RGS7: variants seen among roughly 807,000 people sequenced by gnomAD.
RGS7 encodes regulator of G protein signaling 7.
A neutral mutation model predicts 81.1 loss-of-function variants in RGS7; 27 were observed. The observed-to-expected ratio is 0.33, with a 90% CI of 0.25 to 0.46. RGS7 has a LOEUF of 0.46. Among genes scored for constraint, RGS7 ranks in the 20% least tolerant of loss-of-function variants. RGS7 has a pLI of 1.00. For missense variants in RGS7, 396 were observed against 607.4 expected, an observed-to-expected ratio of 0.65 and a Z score of 3.66; for synonymous variants, 208 against 207.7, an observed-to-expected ratio of 1.00 and a Z score of -0.01.
intron 2 of RGS7, among the ~76,000 whole-genome samples, chr1:241,134,044 T>G (rs1470348923): frequency 6.6e-6 from 1 of 152,212 alleles, no homozygotes; most frequent in Non-Finnish European, 1.5e-5. Flanking sequence ...ATGTCTATCC[T>G]GGATCTAATA....
At chr1:240,987,889 T>C (rs937793740) in intron 3 of RGS7, among the ~76,000 whole-genome samples, 1 of 152,196 alleles carries the variant, frequency 6.6e-6, no homozygotes, top group South Asian at 2.1e-4. Flanking sequence ...AAATCATTTT[T>C]CCAACATTAT....
At chr1:241,293,208 C>T (rs1270587663) in intron 2 of RGS7, among the ~76,000 whole-genome samples, 1 of 152,172 alleles carries the variant, frequency 6.6e-6, no homozygotes, top group Non-Finnish European at 1.5e-5. Flanking sequence ...ATGCATTACT[C>T]ATTGTTGTAA....
At chr1:241,033,553 A>C (rs1352106707) in intron 3 of RGS7, among the ~76,000 whole-genome samples, 1 of 151,936 alleles carries the variant, frequency 6.6e-6, no homozygotes, top group Non-Finnish European at 1.5e-5. Context: ...TATGAGGCTA[A>C]ATAGGGTTAA....
At chr1:241,087,670 T>C (rs959406717) in intron 3 of RGS7, among the ~76,000 whole-genome samples, 2 of 152,022 alleles carry the variant, frequency 1.3e-5, no homozygotes, top group Non-Finnish European at 2.9e-5. Flanking sequence ...TATAAGAGGC[T>C]GGGTGCGGTG....
chr1:241,108,813 C>T (rs899130492), intron 2 of RGS7, among the ~76,000 whole-genome samples: 6 of 152,134 alleles, frequency 3.9e-5, no homozygotes, highest in African/African-American at 1.2e-4. Context: ...AGTAAGACTC[C>T]TGCACAGAAT....
chr1:240,778,379 C>T (rs1266749091), intron 18 of RGS7, among the ~76,000 whole-genome samples: 1 of 152,204 alleles, frequency 6.6e-6, no homozygotes, highest in East Asian at 1.9e-4. Context: ...CCTGTCTTTA[C>T]ACACCATATA....
chr1:240,784,709 C>T (rs139641539), intron 18 of RGS7, among the ~76,000 whole-genome samples: 11 of 150,492 alleles, frequency 7.3e-5, no homozygotes, highest in Admixed American at 2.6e-4. Flanking sequence ...TATCCTTTTG[C>T]AATTCCTGCT....
chr1:241,152,140 C>CAAAAAAAAAAAAAA (rs112950850), intron 2 of RGS7, among the ~76,000 whole-genome samples: 1 of 108,490 alleles, frequency 9.2e-6, no homozygotes, highest in African/African-American at 3.1e-5. Flanking sequence ...CATTAGCAGC[C>CAAAAAAAAAAAAAA]AAAAAAAAAA....
At chr1:240,916,392 GAAAGA>G (rs1672633680) in intron 6 of RGS7, among the ~76,000 whole-genome samples, 2 of 151,888 alleles carry the variant, frequency 1.3e-5, no homozygotes, top group Non-Finnish European at 2.9e-5. Flanking sequence ...AATCAGAGAA[GAAAGA>G]AAAGAACAGA....
At chr1:240,923,838 A>G (rs1269775903) in intron 6 of RGS7, among the ~76,000 whole-genome samples, 1 of 152,132 alleles carries the variant, frequency 6.6e-6, no homozygotes, top group East Asian at 1.9e-4. Flanking sequence ...ACTTTCCCCA[A>G]TATCTTAAAT....
chr1:240,815,078 C>G lies in RGS7; in HGVS notation c.784-301G>C, dbSNP rs536259719. Among the ~76,000 whole-genome samples, 72 of 152,238 alleles carry G rather than the reference C, an allele frequency of 4.7e-4. 1 individual carries two copies. In the South Asian group the frequency reaches 0.015, roughly 32 times the overall value. ...TTTTGCTGGGTGCAGTGGCTCATGC[C>G]TGTAATCCTAGCACTTTGGGAGGTC... is the stretch of plus-strand genomic sequence containing the variant. On this transcript the variant is annotated intron_variant, in intron 11 of 18. Coordinates refer to ENST00000440928, the MANE Select transcript of RGS7 (RefSeq NM_001364886.1).
chr1:240,827,262 G>T, intron 9 of RGS7, 90 bp from the exon 10 acceptor site: 1 of 997,594 alleles, frequency 1.0e-6, no homozygotes. Flanking sequence ...TCCAGAGCCC[G>T]AGCAAATGCC....
At chr1:240,839,873 CTCCAACCA>C (rs1291444141) in intron 9 of RGS7, among the ~76,000 whole-genome samples, 1 of 152,142 alleles carries the variant, frequency 6.6e-6, no homozygotes, top group Non-Finnish European at 1.5e-5. Flanking sequence ...CAGTGAGTGC[CTCCAACCA>C]TCCATCAAGA....
At chr1:241,083,961 C>T (rs1053771080) in intron 3 of RGS7, among the ~76,000 whole-genome samples, 9 of 152,006 alleles carry the variant, frequency 5.9e-5, no homozygotes, top group Non-Finnish European at 7.4e-5. Context: ...GTCTTATAGG[C>T]GTCACAGAAA....
chr1:241,231,415 A>G (rs1444327597), intron 2 of RGS7, among the ~76,000 whole-genome samples: 1 of 152,152 alleles, frequency 6.6e-6, no homozygotes, highest in East Asian at 1.9e-4. Context: ...GTAAGATCAC[A>G]TTTTGATTAA....
At chr1:241,153,154 G>T (rs2068873551) in intron 2 of RGS7, among the ~76,000 whole-genome samples, 1 of 152,162 alleles carries the variant, frequency 6.6e-6, no homozygotes, top group Admixed American at 6.5e-5. Flanking sequence ...TAAACCCACA[G>T]GTAGATTTTG....
intron 10 of RGS7, among the ~76,000 whole-genome samples, chr1:240,826,543 G>A (rs192291876): frequency 9.9e-5 from 15 of 152,280 alleles, no homozygotes; most frequent in Admixed American, 2.6e-4. Flanking sequence ...TACATCAAGC[G>A]TGTTTTATAG....
chr1:241,204,261 T>C (rs1163617111), intron 2 of RGS7, among the ~76,000 whole-genome samples: 3 of 152,172 alleles, frequency 2.0e-5, no homozygotes, highest in African/African-American at 2.4e-5. Flanking sequence ...ATTCATTGGA[T>C]TGAAAGGATC....
At chr1:241,182,158 C>T (rs1042266842) in intron 2 of RGS7, among the ~76,000 whole-genome samples, 4 of 152,142 alleles carry the variant, frequency 2.6e-5, no homozygotes, top group Non-Finnish European at 4.4e-5. Context: ...AGTCCATTCA[C>T]GTCCCTGAAC....
Sources: gnomAD v4.1 joint callset for allele counts (sites outside exome capture counted in the v4.1 genomes callset) on GRCh38, gnomAD v4.1.1 for gene constraint, MANE v1.5 for transcripts, NCBI Gene and HGNC (gene_info 2026-07-23, HGNC 2026-07-21) for gene names.